CAMK2D: variants seen among roughly 807,000 people sequenced by gnomAD.
CAMK2D encodes the protein calcium/calmodulin dependent protein kinase II delta.
In CAMK2D, 37 loss-of-function variants were observed where a neutral mutation model predicts 84.0. The observed-to-expected ratio is 0.44, with a 90% CI of 0.34 to 0.58. The LOEUF is 0.58. Ranked by LOEUF, CAMK2D falls within the 20% of genes least tolerant of loss-of-function variation. The pLI, the probability that CAMK2D is intolerant of heterozygous loss-of-function variation, is 0.02. For synonymous variants in CAMK2D, 202 were observed against 212.5 expected (o/e 0.95, Z 0.43); for missense variants, 448 against 652.5 (o/e 0.69, Z 3.41).
intron 2 of CAMK2D, among the ~76,000 whole-genome samples, chr4:113,748,569 G>A (rs2099610059): frequency 6.6e-6 from 1 of 151,728 alleles, no homozygotes; most frequent in Non-Finnish European, 1.5e-5. Flanking sequence ...AAAATACTAG[G>A]AATACCAAAA....
At chr4:113,497,126 T>G (rs1045720727) in intron 16 of CAMK2D, among the ~76,000 whole-genome samples, 9 of 152,134 alleles carry the variant, frequency 5.9e-5, no homozygotes, top group African/African-American at 2.2e-4. Context: ...TTTTTTTTTT[T>G]TTAGGTAAAA....
intron 7 of CAMK2D, among the ~76,000 whole-genome samples, chr4:113,534,967 A>G (rs2098479867): frequency 6.6e-6 from 1 of 152,218 alleles, no homozygotes; most frequent in South Asian, 2.1e-4. Flanking sequence ...TATATGTGTC[A>G]TAGCAGAGGA....
chr4:113,494,119 A>G (rs1382417255), intron 16 of CAMK2D, among the ~76,000 whole-genome samples: 10 of 152,112 alleles, frequency 6.6e-5, no homozygotes, highest in South Asian at 2.1e-4. Context: ...TAATTTGATC[A>G]TCTGAAGCCT....
chr4:113,490,013 T>TAAA (rs1209404258), intron 16 of CAMK2D, among the ~76,000 whole-genome samples: 1 of 152,044 alleles, frequency 6.6e-6, no homozygotes, highest in African/African-American at 2.4e-5. Flanking sequence ...TGTAAATGTG[T>TAAA]TTGAGTTCAT....
intron 3 of CAMK2D, among the ~76,000 whole-genome samples, chr4:113,619,925 G>A (rs1262804363): frequency 6.6e-6 from 1 of 152,126 alleles, no homozygotes; most frequent in East Asian, 1.9e-4. Flanking sequence ...CCGGAGTTTG[G>A]CATGCATAAT....
At chr4:113,709,782 T>TATATATATATATATATATATA (rs1561971636) in intron 2 of CAMK2D, among the ~76,000 whole-genome samples, 1 of 127,274 alleles carries the variant, frequency 7.9e-6, no homozygotes, top group Non-Finnish European at 1.6e-5. Flanking sequence ...TATATATATA[T>TATATATATATATATATATATA]GAGAGACTTC....
At chr4:113,748,209 C>G (rs1242109717) in intron 2 of CAMK2D, among the ~76,000 whole-genome samples, 1 of 152,128 alleles carries the variant, frequency 6.6e-6, no homozygotes, top group Non-Finnish European at 1.5e-5. Context: ...GACTTTACAT[C>G]TGTTCACCTT....
At chr4:113,505,090 T>C in intron 13 of CAMK2D, 55 bp from the exon 14 acceptor site, 2 of 997,716 alleles carry the variant, frequency 2.0e-6, no homozygotes, top group Non-Finnish European at 1.5e-6. Flanking sequence ...TGGTAGCCAA[T>C]GTCTCTAGAT....
intron 18 of CAMK2D, among the ~76,000 whole-genome samples, chr4:113,458,940 A>C (rs192153656): frequency 6.9e-4 from 105 of 152,308 alleles, no homozygotes; most frequent in Non-Finnish European, 1.1e-3. Flanking sequence ...GTGTAAGGAA[A>C]AAGAGAAGGA....
chr4:113,504,777 ACT>A (rs1200855829), intron 14 of CAMK2D, among the ~76,000 whole-genome samples, 197 bp downstream of exon 14: 2 of 151,642 alleles, frequency 1.3e-5, no homozygotes, highest in African/African-American at 2.4e-5. Flanking sequence ...CTGCTTGACA[ACT>A]AACTTAACCA....
chr4:113,597,775 T>C (rs1436290777), intron 4 of CAMK2D, among the ~76,000 whole-genome samples: 1 of 152,238 alleles, frequency 6.6e-6, no homozygotes, highest in Non-Finnish European at 1.5e-5. Flanking sequence ...CTAACCTTAA[T>C]TCTTTCTAGG....
chr4:113,543,383 A>ATT (rs34298070), intron 6 of CAMK2D, among the ~76,000 whole-genome samples: 1 of 141,634 alleles, frequency 7.1e-6, no homozygotes, highest in East Asian at 2.0e-4. Flanking sequence ...ATATATATTG[A>ATT]TTTTTTTTTT....
At chr4:113,507,440 T>TG (rs926882447) in intron 13 of CAMK2D, among the ~76,000 whole-genome samples, 9 of 151,160 alleles carry the variant, frequency 6.0e-5, no homozygotes, top group South Asian at 2.1e-4. Flanking sequence ...TTTGTTTGTT[T>TG]TTTTTTTTAG....
At chr4:113,639,120 CTG>C (rs1220619170) in intron 3 of CAMK2D, among the ~76,000 whole-genome samples, 2 of 151,200 alleles carry the variant, frequency 1.3e-5, no homozygotes, top group Non-Finnish European at 2.9e-5. Context: ...TGGTGTGCAC[CTG>C]TAGCCCCAGC....
At chr4:113,568,150 T>A (rs763983779) in intron 4 of CAMK2D, among the ~76,000 whole-genome samples, 1 of 152,190 alleles carries the variant, frequency 6.6e-6, no homozygotes, top group Non-Finnish European at 1.5e-5. Context: ...CACAATTCAG[T>A]GGCATTAACC....
At chr4:113,640,600 C>G (rs1307623545) in intron 3 of CAMK2D, among the ~76,000 whole-genome samples, 1 of 152,120 alleles carries the variant, frequency 6.6e-6, no homozygotes, top group African/African-American at 2.4e-5. Context: ...TATAGAGAGA[C>G]ATCAAGTAAG....
chr4:113,612,816 G>A (rs776262871), intron 3 of CAMK2D, among the ~76,000 whole-genome samples: 2 of 152,092 alleles, frequency 1.3e-5, no homozygotes, highest in East Asian at 3.9e-4. Context: ...ATTTATAAGG[G>A]GGATAAAAGT....
chr4:113,458,005 G>A (rs946726538), intron 18 of CAMK2D, among the ~76,000 whole-genome samples: 4 of 150,756 alleles, frequency 2.7e-5, no homozygotes, highest in Non-Finnish European at 5.9e-5. Flanking sequence ...GTTAGTTGGT[G>A]AAGTATGTGG....
chr4:113,458,798 T>C (rs1396830587), intron 18 of CAMK2D, among the ~76,000 whole-genome samples: 2 of 152,234 alleles, frequency 1.3e-5, no homozygotes, highest in Non-Finnish European at 2.9e-5. Flanking sequence ...AAGCTTATAA[T>C]TACTGAAAGT....
Sources: gnomAD v4.1 joint callset for allele counts (sites outside exome capture counted in the v4.1 genomes callset) on GRCh38, gnomAD v4.1.1 for gene constraint, MANE v1.5 for transcripts, NCBI Gene and HGNC (gene_info 2026-07-23, HGNC 2026-07-21) for gene names.